TNFAIP8L3: variants seen among roughly 807,000 people sequenced by gnomAD.
TNFAIP8L3 encodes the protein TNF alpha induced protein 8 like 3.
In TNFAIP8L3, 7 loss-of-function variants were observed where a neutral mutation model predicts 11.8. The ratio of observed to expected loss-of-function variants is 0.59; its 90% CI spans 0.34 to 1.11. The LOEUF (loss-of-function observed/expected upper bound fraction) is 1.11, where lower values mean the gene tolerates loss of function less well. TNFAIP8L3 is among the 50% of genes most tolerant of loss of function. The pLI, the probability that TNFAIP8L3 is intolerant of heterozygous loss-of-function variation, is 0.03. For missense variants in TNFAIP8L3, 219 were observed against 258.6 expected (o/e 0.85, Z 1.05); for synonymous variants, 98 against 103.8 (o/e 0.94, Z 0.34).
Position 51,058,039 on chromosome 15 carries a change from G to C in TNFAIP8L3, c.457C>G (p.Leu153Val). The C allele has an allele frequency of 6.2e-7, 1 of 1,614,192 alleles. No homozygotes were observed. Among genetic ancestry groups the C allele is most frequent in the Non-Finnish European group, 8.5e-7 (1 of 1,180,032 alleles). ...DLVHELVQRH[L>V]TPRTHGRINH... ...ATGCGCCCGTGGGTCCTGGGCGTCA[G>C]GTGCCGCTGCACCAGTTCATGCACC... The change falls in exon 2 of 2, where the codon CTG becomes GTG. Residue 153 changes from leucine (L) to valine (V), a missense_variant. By Grantham distance (32) the Leu-to-Val change is conservative (BLOSUM62 1). Coordinates refer to ENST00000637513, the MANE Select transcript of TNFAIP8L3 (RefSeq NM_001311175.2).
chr15:51,091,773 A>G (rs768623932), intron 1 of TNFAIP8L3, among the ~76,000 whole-genome samples: 21 of 152,038 alleles, frequency 1.4e-4, no homozygotes, highest in Non-Finnish European at 2.5e-4. Flanking sequence ...TTCAAAACAA[A>G]TCTCTTTAGG....
chr15:51,082,578 G>C (rs2140975905), intron 1 of TNFAIP8L3, among the ~76,000 whole-genome samples: 1 of 152,204 alleles, frequency 6.6e-6, no homozygotes, highest in East Asian at 1.9e-4. Context: ...ATTACCCTTA[G>C]CTTACTGAAA....
chr15:51,088,283 G>A (rs1456268432), intron 1 of TNFAIP8L3, among the ~76,000 whole-genome samples: 1 of 152,120 alleles, frequency 6.6e-6, no homozygotes, highest in Non-Finnish European at 1.5e-5. Context: ...GGCAAGTGCT[G>A]TATTTTTTAT....
intron 1 of TNFAIP8L3, among the ~76,000 whole-genome samples, chr15:51,066,649 G>A (rs1450121419): frequency 6.6e-6 from 1 of 152,196 alleles, no homozygotes; most frequent in East Asian, 1.9e-4. Flanking sequence ...GGTGAATGAT[G>A]AGGAAGGTGT....
At chr15:51,087,326 T>A (rs1367595722) in intron 1 of TNFAIP8L3, among the ~76,000 whole-genome samples, 2 of 152,160 alleles carry the variant, frequency 1.3e-5, no homozygotes, top group Non-Finnish European at 2.9e-5. Context: ...ATGGCTCCCC[T>A]CACCTACCTC....
At chr15:51,076,960 G>A (rs945205674) in intron 1 of TNFAIP8L3, among the ~76,000 whole-genome samples, 1 of 152,068 alleles carries the variant, frequency 6.6e-6, no homozygotes, top group East Asian at 1.9e-4. Flanking sequence ...GAGGTCCTCC[G>A]CGTTCCTCCT....
At chr15:51,100,996 A>T (rs1356145761) in intron 1 of TNFAIP8L3, among the ~76,000 whole-genome samples, 2 of 152,210 alleles carry the variant, frequency 1.3e-5, no homozygotes, top group Non-Finnish European at 2.9e-5. Context: ...TTCTAGCTGG[A>T]TACAGCCAGT....
At chr15:51,097,854 T>TG (rs35638055), upstream of TNFAIP8L3, among the ~76,000 whole-genome samples, 62,201 of 150,844 alleles carry the variant, frequency 0.41, 13,835 homozygotes, top group East Asian at 0.79. Context: ...ATATTTCTTG[T>TG]GGGGGGGGAA....
In TNFAIP8L3 at chr15:51,083,603, G is replaced by A. The variant is rs184595985; in HGVS notation, c.52+10941C>T. Reference sequence around the variant, plus strand: ...TGGCTGAGTCCACAGGCTCACCCACGGGTGCGTTTAGACTGGGATGCTGCA... The same window carrying A: ...TGGCTGAGTCCACAGGCTCACCCACAGGTGCGTTTAGACTGGGATGCTGCA... On this transcript the variant is annotated intron_variant, in intron 1 of 1. Transcript: ENST00000637513. 1.2e-4 allele frequency among the ~76,000 whole-genome samples: 18 copies of A among 152,330 alleles called. 1 individual carries two copies. Among genetic ancestry groups the A allele is most frequent in the Admixed American group, 5.2e-4 (8 of 15,314 alleles).
chr15:51,077,665 C>T (rs910000595), intron 1 of TNFAIP8L3, among the ~76,000 whole-genome samples: 11 of 152,208 alleles, frequency 7.2e-5, no homozygotes, highest in Non-Finnish European at 1.5e-4. Flanking sequence ...CTGCCGGTCC[C>T]GTAAGAAACC....
chr15:51,066,239 T>G (rs1248125104), intron 1 of TNFAIP8L3, among the ~76,000 whole-genome samples: 1 of 151,272 alleles, frequency 6.6e-6, no homozygotes, highest in East Asian at 1.9e-4. Flanking sequence ...CTCAGCTCAC[T>G]GAAACCTCTG....
At chr15:51,089,189 G>T (rs563612142) in intron 1 of TNFAIP8L3, among the ~76,000 whole-genome samples, 1 of 152,206 alleles carries the variant, frequency 6.6e-6, no homozygotes, top group Non-Finnish European at 1.5e-5. Flanking sequence ...CTCACAGTCT[G>T]CTTCCTAGCA....
At chr15:51,097,892 AG>A (rs1419175828), upstream of TNFAIP8L3, among the ~76,000 whole-genome samples, 1 of 152,166 alleles carries the variant, frequency 6.6e-6, no homozygotes, top group African/African-American at 2.4e-5. Context: ...AAAAAGGGAA[AG>A]GGTTTCTGTA....
At chr15:51,086,335 C>T (rs1167601599) in intron 1 of TNFAIP8L3, among the ~76,000 whole-genome samples, 2 of 152,240 alleles carry the variant, frequency 1.3e-5, no homozygotes, top group Non-Finnish European at 2.9e-5. Context: ...TCACAGATCG[C>T]CCTTTACCAT....
At chr15:51,081,815 C>T (rs570493599) in intron 1 of TNFAIP8L3, among the ~76,000 whole-genome samples, 1 of 152,202 alleles carries the variant, frequency 6.6e-6, no homozygotes, top group South Asian at 2.1e-4. Flanking sequence ...GCTTACCACG[C>T]TTGCTGGTCT....
intron 1 of TNFAIP8L3, among the ~76,000 whole-genome samples, chr15:51,079,778 G>A (rs971148747): frequency 1.4e-5 from 2 of 147,678 alleles, no homozygotes; most frequent in African/African-American, 2.5e-5. Flanking sequence ...GAGGCTAGGA[G>A]TTCGAGGCTG....
chr15:51,061,919 C>T (rs562609994), intron 1 of TNFAIP8L3, among the ~76,000 whole-genome samples: 4 of 152,266 alleles, frequency 2.6e-5, no homozygotes, highest in African/African-American at 7.2e-5. Flanking sequence ...TCATCATTGG[C>T]AATGTGAATT....
intron 1 of TNFAIP8L3, among the ~76,000 whole-genome samples, chr15:51,081,822 G>T (rs1161066960): frequency 1.3e-5 from 2 of 152,128 alleles, no homozygotes; most frequent in African/African-American, 4.8e-5. Context: ...ACGCTTGCTG[G>T]TCTTAGGATG....
chr15:51,091,126 A>T (rs1189868695), intron 1 of TNFAIP8L3, among the ~76,000 whole-genome samples: 1 of 152,206 alleles, frequency 6.6e-6, no homozygotes, highest in African/African-American at 2.4e-5. Context: ...TCATAGAAAG[A>T]TCCATAAAAT....
Sources: gnomAD v4.1 joint callset for allele counts (sites outside exome capture counted in the v4.1 genomes callset) on GRCh38, gnomAD v4.1.1 for gene constraint, MANE v1.5 for transcripts, NCBI Gene and HGNC (gene_info 2026-07-23, HGNC 2026-07-21) for gene names.